LUZP2: variants seen among roughly 807,000 people sequenced by gnomAD.
LUZP2 encodes leucine zipper protein 2.
LUZP2 carries 52 observed loss-of-function variants against 51.6 expected under a neutral mutation model. That is an observed-to-expected ratio of 1.01 (90% CI 0.81 to 1.27). The LOEUF (loss-of-function observed/expected upper bound fraction) is 1.27, where lower values mean the gene tolerates loss of function less well. LUZP2 is among the 50% of genes most tolerant of loss of function. LUZP2 has a pLI of 0.00. For missense variants in LUZP2, 436 were observed against 395.4 expected (o/e 1.10, Z -0.87); for synonymous variants, 154 against 137.3 (o/e 1.12, Z -0.85).
chr11:24,885,695 A>G (rs1328970377), intron 5 of LUZP2, among the ~76,000 whole-genome samples: 2 of 152,132 alleles, frequency 1.3e-5, no homozygotes, highest in African/African-American at 2.4e-5. Flanking sequence ...CCTAAATGGT[A>G]GTGCAATAGT....
chr11:25,046,657 C>T (rs1351668978), intron 9 of LUZP2, among the ~76,000 whole-genome samples: 2 of 152,010 alleles, frequency 1.3e-5, no homozygotes, highest in African/African-American at 4.8e-5. Flanking sequence ...ATGTTTGGAT[C>T]GGTGATTAGA....
intron 5 of LUZP2, among the ~76,000 whole-genome samples, chr11:24,840,985 AT>A (rs1372437957): frequency 6.6e-6 from 1 of 152,056 alleles, no homozygotes; most frequent in Non-Finnish European, 1.5e-5. Context: ...TTTATTTAAA[AT>A]TAATCATTGA....
chr11:24,511,642 GCTAT>G (rs1195226994), intron 1 of LUZP2, among the ~76,000 whole-genome samples: 1 of 152,128 alleles, frequency 6.6e-6, no homozygotes, highest in African/African-American at 2.4e-5. Context: ...CTTAGGGCGT[GCTAT>G]CTGAGGTGAC....
intron 7 of LUZP2, among the ~76,000 whole-genome samples, chr11:24,955,526 G>T (rs543612592): frequency 1.3e-5 from 2 of 151,940 alleles, no homozygotes; most frequent in Non-Finnish European, 1.5e-5. Context: ...ATATAATAAA[G>T]AAATAAAAAT....
At chr11:24,505,390 T>C (rs1379299754) in intron 1 of LUZP2, among the ~76,000 whole-genome samples, 2 of 152,162 alleles carry the variant, frequency 1.3e-5, no homozygotes, top group East Asian at 3.9e-4. Flanking sequence ...CAGCCTTCCT[T>C]GTTATATGAA....
intron 9 of LUZP2, among the ~76,000 whole-genome samples, chr11:25,048,832 A>T (rs2121225): frequency 0.46 from 69,696 of 150,546 alleles, 16,542 homozygotes; most frequent in Non-Finnish European, 0.5. Flanking sequence ...TTATTTAATT[A>T]ATTAATTTAT....
At chr11:25,053,281 T>C (rs1858578999) in intron 10 of LUZP2, among the ~76,000 whole-genome samples, 1 of 152,126 alleles carries the variant, frequency 6.6e-6, no homozygotes, top group African/African-American at 2.4e-5. Flanking sequence ...GAGTAGGAGA[T>C]ATTTTTGGTT....
At chr11:24,751,734 G>C (rs188332952) in intron 4 of LUZP2, among the ~76,000 whole-genome samples, 97 of 150,270 alleles carry the variant, frequency 6.5e-4, no homozygotes, top group African/African-American at 2.3e-3. Context: ...AATCAGATAA[G>C]GGCTAAAATG....
intron 1 of LUZP2, among the ~76,000 whole-genome samples, chr11:24,511,137 G>T (rs922867705): frequency 6.6e-6 from 1 of 152,150 alleles, no homozygotes; most frequent in Non-Finnish European, 1.5e-5. Flanking sequence ...CATACTGTCT[G>T]TGCCTTCCCT....
At chr11:24,704,479 G>T (rs1360615379) in intron 1 of LUZP2, among the ~76,000 whole-genome samples, 1 of 151,038 alleles carries the variant, frequency 6.6e-6, no homozygotes, top group Non-Finnish European at 1.5e-5. Flanking sequence ...GGAGTAACAT[G>T]CTTTGACATA....
intron 7 of LUZP2, among the ~76,000 whole-genome samples, chr11:24,957,591 G>T (rs1855246929): frequency 6.6e-6 from 1 of 152,074 alleles, no homozygotes; most frequent in South Asian, 2.1e-4. Context: ...GTGAGAACGT[G>T]TGGTATTTGA....
chr11:24,996,909 A>C lies in LUZP2; in HGVS notation c.765+13616A>C, dbSNP rs372101077. On this transcript the variant is annotated intron_variant, in intron 9 of 11. Transcript: ENST00000336930. Reference sequence around the variant, plus strand: ...TTGCGATAGTTTACTGAGAATGATGATTTCCAATTTCATCCATGTCCCTAC... The same window carrying C: ...TTGCGATAGTTTACTGAGAATGATGCTTTCCAATTTCATCCATGTCCCTAC... 2.6e-5 allele frequency among the ~76,000 whole-genome samples: 4 copies of C among 151,198 alleles called. No homozygotes were observed. In the South Asian group the frequency reaches 8.4e-4, roughly 32 times the overall value.
chr11:24,777,733 G>T (rs1848977768), intron 5 of LUZP2, among the ~76,000 whole-genome samples: 1 of 151,928 alleles, frequency 6.6e-6, no homozygotes, highest in Non-Finnish European at 1.5e-5. Context: ...CTTTACAGCA[G>T]TTACTAGTCT....
At chr11:24,748,132 G>T (rs1008769843) in intron 4 of LUZP2, among the ~76,000 whole-genome samples, 1 of 152,080 alleles carries the variant, frequency 6.6e-6, no homozygotes, top group African/African-American at 2.4e-5. Context: ...ACTTCCTGTG[G>T]TGTTTCCCCT....
At chr11:24,778,646 G>A (rs1407987784) in intron 5 of LUZP2, among the ~76,000 whole-genome samples, 3 of 151,976 alleles carry the variant, frequency 2.0e-5, no homozygotes, top group Non-Finnish European at 4.4e-5. Context: ...AAAGAAGAAA[G>A]AAACTAAATG....
chr11:24,824,420 A>G (rs1044971071), intron 5 of LUZP2, among the ~76,000 whole-genome samples: 2 of 144,736 alleles, frequency 1.4e-5, no homozygotes, highest in East Asian at 2.1e-4. Context: ...CTGTGATAGG[A>G]AAACCTTGGA....
chr11:25,050,324 C>T (rs1314276537), intron 10 of LUZP2, among the ~76,000 whole-genome samples, 194 bp downstream of exon 10: 5 of 75,532 alleles, frequency 6.6e-5, no homozygotes, highest in Admixed American at 6.4e-4. Context: ...TTTTTTGAGA[C>T]GGAGTCTTGG....
At chr11:24,765,602 A>G (rs1016330026) in intron 5 of LUZP2, among the ~76,000 whole-genome samples, 6 of 147,950 alleles carry the variant, frequency 4.1e-5, no homozygotes, top group African/African-American at 1.2e-4. Context: ...CAGCAACACA[A>G]TAATTTTTTC....
intron 10 of LUZP2, among the ~76,000 whole-genome samples, chr11:25,066,505 C>A (rs1177474609): frequency 2.0e-5 from 3 of 151,926 alleles, no homozygotes; most frequent in African/African-American, 4.8e-5. Flanking sequence ...AAACCTGTGG[C>A]AATGACATTC....
Sources: gnomAD v4.1 joint callset for allele counts (sites outside exome capture counted in the v4.1 genomes callset) on GRCh38, gnomAD v4.1.1 for gene constraint, MANE v1.5 for transcripts, NCBI Gene and HGNC (gene_info 2026-07-23, HGNC 2026-07-21) for gene names.